TESK2: variants seen among roughly 807,000 people sequenced by gnomAD.
The protein encoded by TESK2 is testis associated actin remodelling kinase 2.
A neutral mutation model predicts 57.1 loss-of-function variants in TESK2; 39 were observed. The ratio of observed to expected loss-of-function variants is 0.68; its 90% CI spans 0.53 to 0.89. The LOEUF is 0.89. Among genes scored for constraint, TESK2 ranks in the 40% least tolerant of loss-of-function variants. The pLI is 0.00. For synonymous variants in TESK2, 249 were observed against 267.9 expected, an observed-to-expected ratio of 0.93 and a Z score of 0.69; for missense variants, 646 against 732.1, an observed-to-expected ratio of 0.88 and a Z score of 1.36.
At chr1:45,345,662 G>C (rs1452938971) in intron 10 of TESK2, 104 bp from the exon 11 acceptor site, 15 of 1,140,054 alleles carry the variant, frequency 1.3e-5, no homozygotes, top group Non-Finnish European at 1.6e-5. Flanking sequence ...TGATACCATG[G>C]CCCTGTTTTA....
chr1:45,466,922 G>T (rs1652577243), intron 1 of TESK2, among the ~76,000 whole-genome samples: 1 of 151,766 alleles, frequency 6.6e-6, no homozygotes, highest in Non-Finnish European at 1.5e-5. Context: ...TAAATGGATA[G>T]TACCTAATAA....
At chr1:45,485,423 G>C (rs1004037589) in intron 1 of TESK2, among the ~76,000 whole-genome samples, 2 of 151,946 alleles carry the variant, frequency 1.3e-5, no homozygotes, top group Non-Finnish European at 2.9e-5. Flanking sequence ...TCCGGACCTC[G>C]TGATCCGCCC....
intron 4 of TESK2, among the ~76,000 whole-genome samples, chr1:45,365,039 GC>G (rs1647849830): frequency 2.0e-5 from 3 of 152,168 alleles, no homozygotes; most frequent in Admixed American, 2.0e-4. Context: ...TTTTGTGCTG[GC>G]CACCGTATGT....
At chr1:45,454,511 T>A (rs1050291701) in intron 2 of TESK2, among the ~76,000 whole-genome samples, 2 of 152,076 alleles carry the variant, frequency 1.3e-5, no homozygotes, top group African/African-American at 4.8e-5. Flanking sequence ...ACTCCTGGGC[T>A]CAGGCAATTC....
At chr1:45,385,026 TA>T (rs1336101139) in intron 4 of TESK2, among the ~76,000 whole-genome samples, 1 of 152,070 alleles carries the variant, frequency 6.6e-6, no homozygotes, top group Non-Finnish European at 1.5e-5. Flanking sequence ...ACCAAGCCAG[TA>T]AAAAACCAAC....
chr1:45,470,118 CATAAT>C (rs1373625138), intron 1 of TESK2, among the ~76,000 whole-genome samples: 6 of 152,162 alleles, frequency 3.9e-5, no homozygotes, highest in Non-Finnish European at 7.3e-5. Context: ...AGACTGCAAA[CATAAT>C]ATACCAATAT....
intron 2 of TESK2, among the ~76,000 whole-genome samples, chr1:45,439,702 C>G (rs1333086423): frequency 6.6e-6 from 1 of 152,144 alleles, no homozygotes; most frequent in Non-Finnish European, 1.5e-5. Flanking sequence ...CACCTGTAGT[C>G]CCAGCTACGC....
rs78821492 is a variant in TESK2, at chr1:45,395,457, A to C, written c.345-9497T>G. ...ATTATAATCTCATGGAACCACCATCATGTATGCGGTCTGTTGTTGACCAAA... is the reference window on the plus strand; with the variant it reads ...ATTATAATCTCATGGAACCACCATCCTGTATGCGGTCTGTTGTTGACCAAA... On this transcript the variant is annotated intron_variant, in intron 3 of 10. Coordinates refer to ENST00000372086, the MANE Select transcript of TESK2 (RefSeq NM_007170.3). 2.9e-3 allele frequency among the ~76,000 whole-genome samples: 436 copies of C among 152,322 alleles called. 4 individuals are homozygous for C. The highest frequency in any genetic ancestry group is 0.018 in the East Asian group (94 of 5,192).
chr1:45,435,426 G>C (rs961509249), intron 2 of TESK2, among the ~76,000 whole-genome samples: 2 of 149,552 alleles, frequency 1.3e-5, no homozygotes, highest in Non-Finnish European at 3.0e-5. Context: ...ACTGCACCCA[G>C]CCATTTTTTT....
At position 45,485,428 on chromosome 1, in the gene TESK2, C is replaced by A. The variant is rs1019567844; in HGVS notation, c.-87+5424G>T. On this transcript the variant is annotated intron_variant, in intron 1 of 10. Coordinates refer to ENST00000372086, the MANE Select transcript of TESK2 (RefSeq NM_007170.3). ...GGTCTAGATCTCCGGACCTCGTGAT[C>A]CGCCCGCCTCGGCCTCCCAAAGTGC... is the stretch of plus-strand genomic sequence containing the variant. Among the ~76,000 whole-genome samples, 5 of 152,162 alleles carry A rather than the reference C, an allele frequency of 3.3e-5. No individual in the cohort carries two copies. In the South Asian group the frequency reaches 8.3e-4, roughly 25 times the overall value.
At chr1:45,399,140 ATTTTTTTT>A (rs753087306) in intron 3 of TESK2, among the ~76,000 whole-genome samples, 1 of 99,722 alleles carries the variant, frequency 1.0e-5, no homozygotes, top group Non-Finnish European at 1.9e-5. Context: ...AAAAGTTGAA[ATTTTTTTT>A]TTTTTTTTTT....
chr1:45,365,357 C>G (rs1243593348), intron 4 of TESK2, among the ~76,000 whole-genome samples: 1 of 152,166 alleles, frequency 6.6e-6, no homozygotes, highest in African/African-American at 2.4e-5. Context: ...AAAGGGAACA[C>G]TAGTTCTAGC....
chr1:45,377,014 G>C lies in TESK2; in HGVS notation c.393+8898C>G, dbSNP rs1167607187. On this transcript the variant is annotated intron_variant, in intron 4 of 10. Coordinates refer to ENST00000372086, the MANE Select transcript of TESK2 (RefSeq NM_007170.3). ...GTGGGAGGATCCCTTAAGGTCAGGA[G>C]TTCGAGACCAGCCTGGGTGATATAG... Among the ~76,000 whole-genome samples the C allele has an allele frequency of 6.6e-4, 100 of 152,244 alleles. 1 individual carries two copies. Among genetic ancestry groups the C allele is most frequent in the Non-Finnish European group, 1.2e-4 (8 of 68,020 alleles).
intron 1 of TESK2, among the ~76,000 whole-genome samples, chr1:45,482,097 G>A (rs747110413): frequency 6.6e-5 from 10 of 152,170 alleles, no homozygotes; most frequent in Non-Finnish European, 1.3e-4. Context: ...ACAGTAAAAA[G>A]TGATCTCTCA....
chr1:45,372,446 G>GT (rs1157017752), intron 4 of TESK2, among the ~76,000 whole-genome samples: 3 of 151,918 alleles, frequency 2.0e-5, no homozygotes, highest in African/African-American at 4.8e-5. Flanking sequence ...GGGTGTGGTG[G>GT]TGCATGCCTG....
chr1:45,454,031 A>T (rs1207422882), intron 2 of TESK2, among the ~76,000 whole-genome samples: 1 of 152,218 alleles, frequency 6.6e-6, no homozygotes, highest in African/African-American at 2.4e-5. Flanking sequence ...GTCAGTGAGC[A>T]CATGGAGAAA....
At chr1:45,352,200 C>G (rs79410320) in intron 5 of TESK2, among the ~76,000 whole-genome samples, 1,945 of 152,258 alleles carry the variant, frequency 0.013, 49 homozygotes, top group African/African-American at 0.044. Flanking sequence ...TCCCAGCCTT[C>G]CTCTAGAGTT....
intron 5 of TESK2, among the ~76,000 whole-genome samples, chr1:45,352,067 C>T (rs952183787): frequency 7.2e-5 from 11 of 152,140 alleles, no homozygotes; most frequent in African/African-American, 2.7e-4. Flanking sequence ...CTCTACTGTC[C>T]CTTTAGCTTT....
At chr1:45,431,779 G>C (rs1650976156) in intron 2 of TESK2, among the ~76,000 whole-genome samples, 1 of 152,088 alleles carries the variant, frequency 6.6e-6, no homozygotes, top group Admixed American at 6.6e-5. Flanking sequence ...AACAAGCAAG[G>C]AAAGGGCATA....
Sources: gnomAD v4.1 joint callset for allele counts (sites outside exome capture counted in the v4.1 genomes callset) on GRCh38, gnomAD v4.1.1 for gene constraint, MANE v1.5 for transcripts, NCBI Gene and HGNC (gene_info 2026-07-23, HGNC 2026-07-21) for gene names.